The following SLC25A12 variants were observed in gnomAD, a reference collection of about 807,000 sequenced individuals.
SLC25A12 encodes electrogenic aspartate/glutamate antiporter SLC25A12, mitochondrial.
SLC25A12 carries 32 observed loss-of-function variants against 83.3 expected under a neutral mutation model. The ratio of observed to expected loss-of-function variants is 0.38; its 90% CI spans 0.29 to 0.52. The LOEUF is 0.52. Among genes scored for constraint, SLC25A12 ranks in the 20% least tolerant of loss-of-function variants. SLC25A12 has a pLI of 0.84. For synonymous variants in SLC25A12, 267 were observed against 291.1 expected, an observed-to-expected ratio of 0.92 and a Z score of 0.84; for missense variants, 611 against 835.6, an observed-to-expected ratio of 0.73 and a Z score of 3.31.
intron 11 of SLC25A12, among the ~76,000 whole-genome samples, chr2:171,813,077 C>T (rs778712046): frequency 2.6e-5 from 4 of 151,830 alleles, no homozygotes; most frequent in Admixed American, 6.6e-5. Flanking sequence ...GTGACATAGA[C>T]CCATGTTGGG....
At chr2:171,790,316 T>C (rs567919713) in intron 15 of SLC25A12, among the ~76,000 whole-genome samples, 1 of 152,318 alleles carries the variant, frequency 6.6e-6, no homozygotes, top group Non-Finnish European at 1.5e-5. Context: ...GGTTCATTAC[T>C]GGTTGTATAG....
intron 5 of SLC25A12, 108 bp from the exon 6 acceptor site, chr2:171,837,375 A>G (rs1156928716): frequency 1.7e-6 from 2 of 1,149,380 alleles, no homozygotes; most frequent in Non-Finnish European, 1.3e-6. Flanking sequence ...TACTTACTAC[A>G]AAACAAACAA....
At chr2:171,795,777 C>A (rs1683583390) in intron 13 of SLC25A12, among the ~76,000 whole-genome samples, 1 of 148,280 alleles carries the variant, frequency 6.7e-6, no homozygotes, top group Admixed American at 6.7e-5. Context: ...GTGTCCCCCA[C>A]CCCCACCCCA....
intron 2 of SLC25A12, among the ~76,000 whole-genome samples, chr2:171,879,952 C>A (rs1461635022): frequency 6.6e-6 from 1 of 152,086 alleles, no homozygotes; most frequent in Non-Finnish European, 1.5e-5. Flanking sequence ...ATGAAACAAT[C>A]AGAGAACTTC....
intron 8 of SLC25A12, among the ~76,000 whole-genome samples, chr2:171,833,197 G>C (rs1475421219): frequency 6.6e-6 from 1 of 152,084 alleles, no homozygotes; most frequent in African/African-American, 2.4e-5. Flanking sequence ...ATCTCCACTA[G>C]ACAGAGCAGT....
chr2:171,865,408 C>T, intron 3 of SLC25A12, among the ~76,000 whole-genome samples: 1 of 152,120 alleles, frequency 6.6e-6, no homozygotes, highest in Non-Finnish European at 1.5e-5. Flanking sequence ...CACCTCTAAT[C>T]CCAGCAGTTT....
intron 3 of SLC25A12, among the ~76,000 whole-genome samples, chr2:171,864,994 A>G (rs1047777217): frequency 2.0e-5 from 3 of 152,260 alleles, no homozygotes; most frequent in Non-Finnish European, 1.5e-5. Flanking sequence ...ATAGAGAAAT[A>G]AATTAATAAA....
chr2:171,837,286 T>C lies in SLC25A12; in HGVS notation c.466-19A>G. Reference sequence around the variant, plus strand: ...GCAGCTCCTGTGAGGAAATTAGAAATAGGGCATTAAGCTGGTTAAACACAT... The same window carrying C: ...GCAGCTCCTGTGAGGAAATTAGAAACAGGGCATTAAGCTGGTTAAACACAT... On this transcript the variant is annotated intron_variant, in intron 5 of 17. Transcript: ENST00000422440. The C allele has an allele frequency of 6.2e-7, 1 of 1,613,778 alleles. No homozygotes were observed. Among genetic ancestry groups the C allele is most frequent in the South Asian group, 1.1e-5 (1 of 91,078 alleles).
At chr2:171,794,110 A>G (rs1683548451) in intron 13 of SLC25A12, among the ~76,000 whole-genome samples, 1 of 152,252 alleles carries the variant, frequency 6.6e-6, no homozygotes, top group Admixed American at 6.5e-5. Context: ...TGTGGCAGCA[A>G]GGTACTCAAT....
intron 2 of SLC25A12, 90 bp from the exon 3 acceptor site, chr2:171,868,913 C>T (rs1685402521): frequency 9.0e-7 from 1 of 1,114,498 alleles, no homozygotes; most frequent in Admixed American, 2.0e-5. Flanking sequence ...AAATTAAAGG[C>T]CAGTATTAAA....
chr2:171,805,114 G>GTTTTT (rs71013073), intron 13 of SLC25A12, among the ~76,000 whole-genome samples: 1 of 141,052 alleles, frequency 7.1e-6, no homozygotes, highest in South Asian at 2.3e-4. Flanking sequence ...TTTGTTTTTT[G>GTTTTT]TTTTTTTTTT....
intron 6 of SLC25A12, 126 bp downstream of exon 6, chr2:171,836,995 C>A (rs1287262853): frequency 2.3e-6 from 2 of 877,024 alleles, no homozygotes; most frequent in Non-Finnish European, 3.6e-6. Context: ...AACCTGTTTA[C>A]TTTCTACCAA....
chr2:171,793,782 G>C lies in SLC25A12; in HGVS notation c.1306-15C>G. 6.2e-7 allele frequency: 1 copy of C among 1,614,134 alleles called. No individual in the cohort carries two copies. ...GAGCCTCCAGCCTGTAGGCAAGGGA[G>C]AAGAGACAGGCAGATTCCACATCAG... is the stretch of plus-strand genomic sequence containing the variant. On this transcript the variant is annotated splice_polypyrimidine_tract_variant and intron_variant, in intron 13 of 17. Coordinates refer to ENST00000422440, the MANE Select transcript of SLC25A12 (RefSeq NM_003705.5).
chr2:171,855,976 G>A, intron 3 of SLC25A12, 27 bp from the exon 4 acceptor site: 1 of 1,229,382 alleles, frequency 8.1e-7, no homozygotes, highest in Non-Finnish European at 1.2e-6. Context: ...AACGTCATTG[G>A]CTGGTGAAGA....
chr2:171,824,866 A>G (rs1236382107), intron 9 of SLC25A12, among the ~76,000 whole-genome samples: 2 of 151,818 alleles, frequency 1.3e-5, no homozygotes, highest in Non-Finnish European at 2.9e-5. Flanking sequence ...GTGTAGTAGC[A>G]CAGTCACGCT....
intron 8 of SLC25A12, among the ~76,000 whole-genome samples, chr2:171,832,813 A>G (rs528859707): frequency 6.6e-6 from 1 of 152,338 alleles, no homozygotes; most frequent in East Asian, 1.9e-4. Flanking sequence ...ACAAAATAGA[A>G]GGAGACTGGA....
intron 8 of SLC25A12, among the ~76,000 whole-genome samples, chr2:171,832,349 C>A (rs868123908): frequency 8.5e-5 from 13 of 152,140 alleles, no homozygotes; most frequent in African/African-American, 3.1e-4. Context: ...CCTTTCCAGC[C>A]TTTAACCAGG....
intron 3 of SLC25A12, chr2:171,856,632 T>C (rs2105906472): frequency 6.6e-6 from 1 of 152,382 alleles, no homozygotes; most frequent in South Asian, 2.1e-4. Flanking sequence ...AATCTCTGTA[T>C]CATTCCAATT....
chr2:171,859,215 C>T (rs1324092639), intron 3 of SLC25A12, among the ~76,000 whole-genome samples: 1 of 152,110 alleles, frequency 6.6e-6, no homozygotes, highest in Non-Finnish European at 1.5e-5. Flanking sequence ...TCAGCCATCC[C>T]TCAATACTCA....
Sources: gnomAD v4.1 joint callset for allele counts (sites outside exome capture counted in the v4.1 genomes callset) on GRCh38, gnomAD v4.1.1 for gene constraint, MANE v1.5 for transcripts, NCBI Gene and HGNC (gene_info 2026-07-23, HGNC 2026-07-21) for gene names.